Variants in PPP1R21 observed in about 807,000 individuals in gnomAD.
PPP1R21 encodes protein phosphatase 1 regulatory subunit 21.
PPP1R21 carries 85 observed loss-of-function variants against 112.8 expected under a neutral mutation model. The observed-to-expected ratio is 0.75, with a 90% confidence interval of 0.63 to 0.90. PPP1R21 has a LOEUF of 0.90. Among genes scored for constraint, PPP1R21 ranks in the 40% least tolerant of loss-of-function variants. The pLI is 0.00. For synonymous variants in PPP1R21, 381 were observed against 322.3 expected, an observed-to-expected ratio of 1.18 and a Z score of -1.95; for missense variants, 1,199 against 901.5, an observed-to-expected ratio of 1.33 and a Z score of -4.23.
intron 15 of PPP1R21, among the ~76,000 whole-genome samples, chr2:48,495,289 C>T (rs779688803): frequency 6.6e-5 from 10 of 152,058 alleles, no homozygotes; most frequent in African/African-American, 9.7e-5. Flanking sequence ...CTGCAACCTC[C>T]GCCTCCCAGG....
At chr2:48,496,294 C>G (rs1323057658) in intron 16 of PPP1R21, among the ~76,000 whole-genome samples, 4 of 152,120 alleles carry the variant, frequency 2.6e-5, no homozygotes, top group Non-Finnish European at 5.9e-5. Flanking sequence ...AATGGAATCT[C>G]TCTCTCTGAT....
chr2:48,456,956 G>A (rs1283000069), intron 3 of PPP1R21, among the ~76,000 whole-genome samples: 2 of 152,082 alleles, frequency 1.3e-5, no homozygotes, highest in Admixed American at 1.3e-4. Context: ...GGAGGCTGAG[G>A]CAGGAGAATT....
At chr2:48,505,442 T>A (rs1670330604) in intron 17 of PPP1R21, 122 bp from the exon 18 acceptor site, 6 of 724,664 alleles carry the variant, frequency 8.3e-6, no homozygotes, top group Non-Finnish European at 1.5e-5. Context: ...CCAAGGATGA[T>A]CTTCTAGTTC....
intron 11 of PPP1R21, among the ~76,000 whole-genome samples, chr2:48,472,069 G>T (rs995432217): frequency 6.6e-6 from 1 of 151,284 alleles, no homozygotes; most frequent in East Asian, 1.9e-4. Flanking sequence ...GTGAAACCCC[G>T]CCTCTTCTAA....
At chr2:48,447,808 G>C (rs766894723) in intron 1 of PPP1R21, among the ~76,000 whole-genome samples, 1 of 152,056 alleles carries the variant, frequency 6.6e-6, no homozygotes, top group Non-Finnish European at 1.5e-5. Flanking sequence ...AAATTAGCCG[G>C]GCGTGGTGGC....
At chr2:48,471,247 C>G in intron 10 of PPP1R21, 32 bp from the exon 11 acceptor site, 1 of 1,609,042 alleles carries the variant, frequency 6.2e-7, no homozygotes, top group Non-Finnish European at 8.5e-7. Flanking sequence ...TCCAGTAGCA[C>G]TTTTAACCTT....
At chr2:48,446,587 ATTAAT>A (rs892199990) in intron 1 of PPP1R21, among the ~76,000 whole-genome samples, 14 of 152,156 alleles carry the variant, frequency 9.2e-5, no homozygotes, top group African/African-American at 3.4e-4. Context: ...ATTTGATTTG[ATTAAT>A]TTGATTAATC....
At position 48,461,082 on chromosome 2, in the gene PPP1R21, A is replaced by G. The variant is rs1316485770; in HGVS notation, c.600-56A>G. 3 of 1,533,674 alleles carry G rather than the reference A, an allele frequency of 2.0e-6. No homozygotes were observed. The East Asian group carries it at 7.6e-5, about 39-fold the overall frequency. Reference sequence around the variant, plus strand: ...CAGCTGTTGAGGTAACAAATAAATGAGGATTCACTCAGTGATTGGTGATAA... The same window carrying G: ...CAGCTGTTGAGGTAACAAATAAATGGGGATTCACTCAGTGATTGGTGATAA... On this transcript the variant is annotated intron_variant, in intron 6 of 21. Coordinates refer to ENST00000294952, the MANE Select transcript of PPP1R21 (RefSeq NM_001135629.3).
chr2:48,511,616 C>T, intron 21 of PPP1R21, 148 bp downstream of exon 21: 1 of 905,286 alleles, frequency 1.1e-6, no homozygotes, highest in Non-Finnish European at 1.6e-6. Context: ...AATCCCAGTA[C>T]TTTGGGAGGC....
chr2:48,453,713 A>C (rs1667586430), intron 2 of PPP1R21, among the ~76,000 whole-genome samples: 2 of 152,260 alleles, frequency 1.3e-5, no homozygotes, highest in South Asian at 2.1e-4. Flanking sequence ...AGAATATTTT[A>C]GATTTTGTTT....
chr2:48,478,370 A>G (rs1331217504), intron 12 of PPP1R21, among the ~76,000 whole-genome samples: 1 of 152,146 alleles, frequency 6.6e-6, no homozygotes, highest in Non-Finnish European at 1.5e-5. Flanking sequence ...AATTTCTTTA[A>G]ACACATCTTC....
intron 2 of PPP1R21, among the ~76,000 whole-genome samples, chr2:48,453,440 G>A (rs1053213795): frequency 1.1e-4 from 17 of 151,536 alleles, no homozygotes; most frequent in African/African-American, 3.6e-4. Context: ...CAGTCCTCCT[G>A]TCTCGGCTTC....
intron 9 of PPP1R21, among the ~76,000 whole-genome samples, chr2:48,469,293 GTGTATGTATA>G (rs1349783389): frequency 1.2e-4 from 4 of 33,930 alleles, no homozygotes; most frequent in South Asian, 6.9e-4. Flanking sequence ...GTGTGTGTGT[GTGTATGTATA>G]TATATACACA....
intron 8 of PPP1R21, 32 bp from the exon 9 acceptor site, chr2:48,465,461 T>G (rs768353274): frequency 6.3e-7 from 1 of 1,579,392 alleles, no homozygotes; most frequent in Non-Finnish European, 8.6e-7. Context: ...AATTTGAGAG[T>G]TGACCTTAAC....
intron 15 of PPP1R21, among the ~76,000 whole-genome samples, chr2:48,492,839 C>G (rs1271971041): frequency 2.6e-5 from 4 of 151,944 alleles, no homozygotes; most frequent in African/African-American, 9.7e-5. Flanking sequence ...TATAGTTTGC[C>G]TGTAGTAGAA....
intron 15 of PPP1R21, 78 bp from the exon 16 acceptor site, chr2:48,495,601 C>A: frequency 2.6e-6 from 2 of 763,148 alleles, no homozygotes; most frequent in South Asian, 1.5e-5. Context: ...CCTCGTTTAG[C>A]ATTCTTTGTG....
At position 48,511,639 on chromosome 2, in the gene PPP1R21, A is replaced by G. The variant is rs556049962; in HGVS notation, c.2313+171A>G. Among the ~76,000 whole-genome samples, 234 of 151,656 alleles carry G rather than the reference A, an allele frequency of 1.5e-3. 1 individual carries two copies. Among genetic ancestry groups the G allele is most frequent in the Non-Finnish European group, 2.8e-3 (191 of 67,928 alleles). ...TACTTTGGGAGGCTGAGGTGGGAGG[A>G]TCCCTTGAGGCCAGGAGTTGGAGAG... On this transcript the variant is annotated intron_variant, in intron 21 of 21. Coordinates refer to ENST00000294952, the MANE Select transcript of PPP1R21 (RefSeq NM_001135629.3).
intron 1 of PPP1R21, among the ~76,000 whole-genome samples, chr2:48,450,275 A>T (rs137961910): frequency 6.6e-6 from 1 of 152,192 alleles, no homozygotes; most frequent in Non-Finnish European, 1.5e-5. Context: ...ATTGCTACTT[A>T]ACTTCTCTGT....
chr2:48,468,546 C>T (rs551492523), intron 9 of PPP1R21, among the ~76,000 whole-genome samples: 1 of 152,324 alleles, frequency 6.6e-6, no homozygotes, highest in South Asian at 2.1e-4. Context: ...GACACAGTAG[C>T]TCACACCTGT....
Sources: allele counts gnomAD v4.1 joint callset (sites outside exome capture counted in the v4.1 genomes callset), GRCh38; gene constraint gnomAD v4.1.1; transcripts MANE v1.5; gene names NCBI Gene and HGNC (gene_info 2026-07-23, HGNC 2026-07-21).